FER: variants seen among roughly 807,000 people sequenced by gnomAD.
FER encodes tyrosine-protein kinase Fer.
Under a neutral mutation model 111.0 loss-of-function variants are expected in FER, and 63 were observed. The ratio of observed to expected loss-of-function variants is 0.57; its 90% confidence interval spans 0.46 to 0.70. The LOEUF is 0.70. Ranked by LOEUF, FER falls within the 30% of genes least tolerant of loss-of-function variation. FER has a pLI of 0.00. For synonymous variants in FER, 327 were observed against 313.9 expected (o/e 1.04, Z -0.44); for missense variants, 914 against 954.0 (o/e 0.96, Z 0.55).
intron 14 of FER, among the ~76,000 whole-genome samples, chr5:109,041,677 G>T (rs920044399): frequency 2.6e-5 from 4 of 152,120 alleles, no homozygotes; most frequent in Admixed American, 2.0e-4. Context: ...AAATTACAAA[G>T]AATTAGGACA....
At position 109,007,980 on chromosome 5, in the gene FER, T is replaced by C. The variant is rs535103125; in HGVS notation, c.1657-29442T>C. ...ACTTTTAGCTACTCTCATAGGTATA[T>C]ATAATGGTATCTCACTGTAGTTTTA... On this transcript the variant is annotated intron_variant, in intron 13 of 19. Transcript: ENST00000281092. Among the ~76,000 whole-genome samples, 3 of 152,336 alleles carry C rather than the reference T, an allele frequency of 2.0e-5. No individual in the cohort carries two copies. The South Asian group carries it at 6.2e-4, about 32-fold the overall frequency.
intron 13 of FER, among the ~76,000 whole-genome samples, chr5:109,003,806 C>A (rs1295021858): frequency 2.0e-5 from 3 of 151,896 alleles, no homozygotes; most frequent in Non-Finnish European, 2.9e-5. Flanking sequence ...ATAGAGAGAC[C>A]CCATCTCTAC....
intron 2 of FER, among the ~76,000 whole-genome samples, chr5:108,783,092 G>A (rs1304959756): frequency 6.6e-6 from 1 of 152,018 alleles, no homozygotes; most frequent in African/African-American, 2.4e-5. Context: ...GCACTCTGAT[G>A]ATACAAATGT....
chr5:108,762,012 G>A (rs1580405052), intron 1 of FER, among the ~76,000 whole-genome samples: 1 of 152,218 alleles, frequency 6.6e-6, no homozygotes, highest in East Asian at 1.9e-4. Flanking sequence ...CTGGGTTCAA[G>A]CGATTCTCCT....
At chr5:108,976,633 CAT>C (rs1265709637) in intron 13 of FER, among the ~76,000 whole-genome samples, 2 of 152,142 alleles carry the variant, frequency 1.3e-5, no homozygotes, top group Non-Finnish European at 2.9e-5. Flanking sequence ...TTACTGATAA[CAT>C]ATTTAACACA....
chr5:108,855,257 T>C (rs1158945992), intron 5 of FER, among the ~76,000 whole-genome samples: 1 of 152,050 alleles, frequency 6.6e-6, no homozygotes. Context: ...ACCAGTAATA[T>C]AAATGAAGAT....
At chr5:108,964,663 A>G (rs1759572769) in intron 13 of FER, among the ~76,000 whole-genome samples, 2 of 152,168 alleles carry the variant, frequency 1.3e-5, no homozygotes. Context: ...TTCTTTGTAT[A>G]ATTTAAGAAA....
At chr5:109,162,385 T>C (rs1423426372) in intron 17 of FER, among the ~76,000 whole-genome samples, 1 of 152,126 alleles carries the variant, frequency 6.6e-6, no homozygotes, top group Non-Finnish European at 1.5e-5. Context: ...AAATAGTTTA[T>C]TGAATTTTAC....
chr5:109,134,264 T>C (rs1752660388), intron 17 of FER, among the ~76,000 whole-genome samples: 1 of 152,148 alleles, frequency 6.6e-6, no homozygotes, highest in Admixed American at 6.6e-5. Flanking sequence ...TCTGCTGTGC[T>C]TTAAAAACTA....
At chr5:108,925,070 C>T (rs1379007645) in intron 10 of FER, among the ~76,000 whole-genome samples, 2 of 151,452 alleles carry the variant, frequency 1.3e-5, no homozygotes, top group Non-Finnish European at 2.9e-5. Flanking sequence ...ATGTCCTTTC[C>T]AGTATTTCAA....
chr5:109,033,706 A>T (rs1362895651), intron 13 of FER, among the ~76,000 whole-genome samples: 3 of 152,094 alleles, frequency 2.0e-5, no homozygotes, highest in African/African-American at 7.2e-5. Context: ...AATTTAACGG[A>T]TTGGGAGTTT....
intron 13 of FER, among the ~76,000 whole-genome samples, chr5:109,009,630 A>G (rs1469689227): frequency 1.3e-5 from 2 of 152,192 alleles, no homozygotes; most frequent in Non-Finnish European, 2.9e-5. Context: ...TCAAGACACA[A>G]TTCCGTTTGT....
intron 3 of FER, among the ~76,000 whole-genome samples, chr5:108,825,506 GT>G (rs1308124580): frequency 6.6e-6 from 1 of 152,146 alleles, no homozygotes; most frequent in East Asian, 1.9e-4. Flanking sequence ...CTGTTATCCT[GT>G]TCTTTTTTCA....
At chr5:109,062,433 G>A (rs1466758872) in intron 16 of FER, among the ~76,000 whole-genome samples, 1 of 152,130 alleles carries the variant, frequency 6.6e-6, no homozygotes, top group Non-Finnish European at 1.5e-5. Flanking sequence ...GGCTGAGGCA[G>A]CAGGATCGCT....
intron 17 of FER, among the ~76,000 whole-genome samples, chr5:109,165,435 A>G (rs1756428215): frequency 6.6e-6 from 1 of 152,182 alleles, no homozygotes; most frequent in Non-Finnish European, 1.5e-5. Flanking sequence ...AGGTATTCCA[A>G]GAAGCAGTTC....
intron 5 of FER, among the ~76,000 whole-genome samples, chr5:108,855,205 A>G (rs1445090817): frequency 1.3e-5 from 2 of 152,198 alleles, no homozygotes; most frequent in Non-Finnish European, 2.9e-5. Context: ...TATAAATATG[A>G]AATGTTAATT....
chr5:109,188,260 C>CGT lies in FER; in HGVS notation c.*685_*686insGT, dbSNP rs1759096278. 6.9e-6 allele frequency: 1 copy of CGT among 144,100 alleles called. No individual in the cohort carries two copies. The highest frequency in any genetic ancestry group is 1.5e-5 in the Non-Finnish European group (1 of 65,656). 8.9% of individuals were successfully genotyped at this position (144,100 alleles called of 1,614,324 possible). A position where few individuals can be genotyped will look rare whatever the true frequency, so the allele number is the denominator to read the frequency against. On this transcript the variant is annotated 3_prime_UTR_variant, in exon 20 of 20. Coordinates refer to ENST00000281092, the MANE Select transcript of FER (RefSeq NM_005246.4). ...GTAATCCCAGGCATGTAATCTCATG[C>CGT]CTGGGATTACAGGCGTGAGCCACAG...
intron 13 of FER, among the ~76,000 whole-genome samples, chr5:109,024,895 G>T (rs1159907880): frequency 2.0e-5 from 3 of 150,612 alleles, no homozygotes; most frequent in African/African-American, 4.9e-5. Flanking sequence ...CCCATTGCTT[G>T]TTTTTCTCAG....
intron 16 of FER, among the ~76,000 whole-genome samples, chr5:109,053,757 C>T (rs1253936903): frequency 7.3e-6 from 1 of 137,650 alleles, no homozygotes; most frequent in Non-Finnish European, 1.5e-5. Context: ...GTGGTGCGAT[C>T]TTGGCTCACT....
Sources: gnomAD v4.1 joint callset for allele counts (sites outside exome capture counted in the v4.1 genomes callset) on GRCh38, gnomAD v4.1.1 for gene constraint, MANE v1.5 for transcripts, NCBI Gene and HGNC (gene_info 2026-07-23, HGNC 2026-07-21) for gene names.